LY86: variants seen among roughly 807,000 people sequenced by gnomAD.
LY86 encodes the protein MD-1, RP105-associated.
A neutral mutation model predicts 17.3 loss-of-function variants in LY86; 20 were observed. The ratio of observed to expected loss-of-function variants is 1.15; its 90% CI spans 0.81 to 1.68. The LOEUF (loss-of-function observed/expected upper bound fraction) is 1.68, where lower values mean the gene tolerates loss of function less well. Ranked by LOEUF, LY86 falls within the 40% of genes most tolerant of loss-of-function variation. LY86 has a pLI of 0.00. For synonymous variants in LY86, 74 were observed against 70.6 expected (o/e 1.05, Z -0.24); for missense variants, 200 against 191.9 (o/e 1.04, Z -0.25).
intron 1 of LY86, among the ~76,000 whole-genome samples, chr6:6,622,024 T>C (rs557894168): frequency 5.2e-4 from 79 of 152,268 alleles, no homozygotes; most frequent in South Asian, 5.2e-3. Context: ...ATGTTTACAC[T>C]CAAAGATATC....
chr6:6,600,796 G>T (rs1465887430), intron 1 of LY86, among the ~76,000 whole-genome samples: 1 of 151,904 alleles, frequency 6.6e-6, no homozygotes, highest in Non-Finnish European at 1.5e-5. Flanking sequence ...ATTTGCCACG[G>T]GTCTGGATCA....
rs186148257 is a variant in LY86, at chr6:6,601,133, G to A, written c.136+12263G>A. Among the ~76,000 whole-genome samples the A allele has an allele frequency of 1.5e-4, 23 of 152,266 alleles. 1 individual carries two copies. Among genetic ancestry groups the A allele is most frequent in the Admixed American group, 1.5e-3 (23 of 15,298 alleles). On this transcript the variant is annotated intron_variant, in intron 1 of 4. Coordinates refer to ENST00000230568, the MANE Select transcript of LY86 (RefSeq NM_004271.4). ...TAACAAAAATGTGCCTGAGGTTTTAGAGTCAATAACAAAAACAATGAACAG... is the reference window on the plus strand; with the variant it reads ...TAACAAAAATGTGCCTGAGGTTTTAAAGTCAATAACAAAAACAATGAACAG...
chr6:6,654,431 T>C (rs1294643881), intron 4 of LY86, 113 bp from the exon 5 acceptor site: 3 of 774,452 alleles, frequency 3.9e-6, no homozygotes, highest in East Asian at 2.7e-5. Context: ...TTCTACGTTA[T>C]CCACAATGTC....
intron 3 of LY86, among the ~76,000 whole-genome samples, chr6:6,641,050 C>G (rs1163251741): frequency 6.6e-6 from 1 of 152,182 alleles, no homozygotes; most frequent in Non-Finnish European, 1.5e-5. Context: ...GTTATGAGTT[C>G]TCAAGTACAC....
At chr6:6,612,585 C>T (rs57390443) in intron 1 of LY86, among the ~76,000 whole-genome samples, 43,658 of 152,062 alleles carry the variant, frequency 0.29, 6,684 homozygotes, top group East Asian at 0.5. Context: ...TGCAGCCTGA[C>T]TTTATTCTCT....
At chr6:6,592,718 A>G (rs1220874672) in intron 1 of LY86, among the ~76,000 whole-genome samples, 1 of 152,210 alleles carries the variant, frequency 6.6e-6, no homozygotes, top group Non-Finnish European at 1.5e-5. Context: ...TCACCACATG[A>G]GGACACAATG....
chr6:6,613,485 G>A (rs902984989), intron 1 of LY86, among the ~76,000 whole-genome samples: 3 of 152,182 alleles, frequency 2.0e-5, no homozygotes, highest in Non-Finnish European at 4.4e-5. Flanking sequence ...GCAGCTGCTG[G>A]CCCAGGTGCT....
chr6:6,603,253 G>A (rs1422148584), intron 1 of LY86, among the ~76,000 whole-genome samples: 1 of 152,024 alleles, frequency 6.6e-6, no homozygotes, highest in Non-Finnish European at 1.5e-5. Flanking sequence ...AAATCTGGGA[G>A]GACACAAACA....
chr6:6,595,496 G>C (rs1025035308), intron 1 of LY86, among the ~76,000 whole-genome samples: 1 of 151,912 alleles, frequency 6.6e-6, no homozygotes, highest in Non-Finnish European at 1.5e-5. Context: ...ATCTCCTGAT[G>C]AAAGAATGGC....
intron 3 of LY86, among the ~76,000 whole-genome samples, chr6:6,646,249 T>A (rs1762105479): frequency 6.6e-6 from 1 of 152,130 alleles, no homozygotes; most frequent in Non-Finnish European, 1.5e-5. Context: ...ACTTGCCCAA[T>A]TAATAGAAAA....
At chr6:6,609,945 C>T (rs1761289548) in intron 1 of LY86, among the ~76,000 whole-genome samples, 1 of 151,998 alleles carries the variant, frequency 6.6e-6, no homozygotes. Flanking sequence ...TTTGCACTGG[C>T]AAGGAAGGGT....
chr6:6,649,957 C>T (rs1315330496), intron 4 of LY86, among the ~76,000 whole-genome samples: 1 of 152,172 alleles, frequency 6.6e-6, no homozygotes, highest in African/African-American at 2.4e-5. Flanking sequence ...ACAAACCTCC[C>T]ACTGAGAGGG....
Position 6,602,966 on chromosome 6 carries a change from CAT to C in LY86, c.136+14098_136+14099del, listed in dbSNP as rs539223163. Among the ~76,000 whole-genome samples, 487 of 152,238 alleles carry C rather than the reference CAT, an allele frequency of 3.2e-3. 4 individuals are homozygous for C. Among genetic ancestry groups the C allele is most frequent in the African/African-American group, 8.6e-3 (359 of 41,526 alleles). On this transcript the variant is annotated intron_variant, in intron 1 of 4. Coordinates refer to ENST00000230568, the MANE Select transcript of LY86 (RefSeq NM_004271.4). ...AAAAAGTACTTTAGATCGTGTAACTCATAAACAACAGAAATTCATTGCTCACA... is the reference window on the plus strand; with the variant it reads ...AAAAAGTACTTTAGATCGTGTAACTCAAACAACAGAAATTCATTGCTCACA...
chr6:6,648,772 G>GA (rs199749860), intron 3 of LY86, among the ~76,000 whole-genome samples: 4 of 150,392 alleles, frequency 2.7e-5, no homozygotes, highest in Admixed American at 2.6e-4. Flanking sequence ...TTGGAAAAAA[G>GA]AAAAAAACAA....
chr6:6,606,250 C>T (rs1312923422), intron 1 of LY86, among the ~76,000 whole-genome samples: 1 of 152,204 alleles, frequency 6.6e-6, no homozygotes. Context: ...CGCAAAGGTT[C>T]TCCAAGGCCC....
chr6:6,608,794 C>T (rs930947015), intron 1 of LY86, among the ~76,000 whole-genome samples: 6 of 152,232 alleles, frequency 3.9e-5, no homozygotes, highest in African/African-American at 9.6e-5. Context: ...AAGAAACTCA[C>T]ACGTGGTGTT....
chr6:6,614,377 C>CTTTTTTTTTTTTTTTTTT (rs57187485), intron 1 of LY86, among the ~76,000 whole-genome samples: 3 of 145,550 alleles, frequency 2.1e-5, no homozygotes, highest in African/African-American at 2.5e-5. Flanking sequence ...AATCACGTCT[C>CTTTTTTTTTTTTTTTTTT]TTTTTTTTTT....
intron 1 of LY86, among the ~76,000 whole-genome samples, chr6:6,613,991 G>C (rs1761481047): frequency 6.6e-6 from 1 of 152,228 alleles, no homozygotes; most frequent in Non-Finnish European, 1.5e-5. Flanking sequence ...TTTTCATACA[G>C]TTTATTCCTT....
At chr6:6,624,407 G>A in intron 1 of LY86, among the ~76,000 whole-genome samples, 1 of 150,794 alleles carries the variant, frequency 6.6e-6, no homozygotes. Context: ...GGGATGGGAT[G>A]GGTTGGGATG....
Sources: allele counts gnomAD v4.1 joint callset (sites outside exome capture counted in the v4.1 genomes callset), GRCh38; gene constraint gnomAD v4.1.1; transcripts MANE v1.5; gene names NCBI Gene and HGNC (gene_info 2026-07-23, HGNC 2026-07-21).